Variants in ZC3H12D observed in about 807,000 individuals in gnomAD.
ZC3H12D encodes probable ribonuclease ZC3H12D.
A neutral mutation model predicts 24.2 loss-of-function variants in ZC3H12D; 11 were observed. The ratio of observed to expected loss-of-function variants is 0.46; its 90% CI spans 0.29 to 0.75. The LOEUF is 0.75. ZC3H12D is among the 30% of genes least tolerant of loss of function. ZC3H12D has a pLI of 0.11. For missense variants in ZC3H12D, 740 were observed against 767.7 expected, an observed-to-expected ratio of 0.96 and a Z score of 0.43; for synonymous variants, 333 against 341.8, an observed-to-expected ratio of 0.97 and a Z score of 0.28.
rs911423568 is a variant in ZC3H12D, at chr6:149,450,920, G to A, written c.1347C>T (p.Arg449=). Reference sequence around the variant, plus strand: ...CCCAGGCCGGCTCCGCCCAGACGGAGCGCCCAGGGAAGCGGTCGGAGCGGG... The same window carrying A: ...CCCAGGCCGGCTCCGCCCAGACGGAACGCCCAGGGAAGCGGTCGGAGCGGG... ...RPPRSDRFPG[R]SVWAEPAWGD... Residue 449 remains arginine, a synonymous_variant, in exon 6 of 6, where the codon CGC becomes CGT. Transcript: ENST00000409806. The A allele has an allele frequency of 1.3e-6, 2 of 1,540,026 alleles. No individual in the cohort carries two copies. The highest frequency in any genetic ancestry group is 1.4e-5 in the African/African-American group (1 of 73,012).
chr6:149,480,270 G>A (rs147226197), intron 1 of ZC3H12D, among the ~76,000 whole-genome samples: 3 of 152,334 alleles, frequency 2.0e-5, no homozygotes, highest in South Asian at 4.1e-4. Context: ...TTAGAAAAAT[G>A]TGTTTTCAAA....
Position 149,475,909 on chromosome 6 carries a change from C to T in ZC3H12D, c.-70-1296G>A, listed in dbSNP as rs543697084. On this transcript the variant is annotated intron_variant, in intron 1 of 5. Coordinates refer to ENST00000409806, the MANE Select transcript of ZC3H12D (RefSeq NM_207360.3). Reference sequence around the variant, plus strand: ...CTCTCTCTTTTCTACCCACAAAGACCGATATATTTCAAAAAAAATTTTTTT... The same window carrying T: ...CTCTCTCTTTTCTACCCACAAAGACTGATATATTTCAAAAAAAATTTTTTT... 5.9e-5 allele frequency among the ~76,000 whole-genome samples: 9 copies of T among 152,066 alleles called. No homozygotes were observed. The South Asian group carries it at 8.3e-4, about 14-fold the overall frequency.
At chr6:149,458,122 TCG>T (rs1434300184) in intron 3 of ZC3H12D, among the ~76,000 whole-genome samples, 2,158 of 109,578 alleles carry the variant, frequency 0.02, 104 homozygotes, top group African/African-American at 0.087. Flanking sequence ...TTTTTTTTTT[TCG>T]TTTCTTTTTT....
At chr6:149,474,143 G>T in intron 2 of ZC3H12D, 96 bp downstream of exon 2, 1 of 1,140,708 alleles carries the variant, frequency 8.8e-7, no homozygotes, top group East Asian at 2.8e-5. Flanking sequence ...TGGCCCCAAA[G>T]CTCTTTGGAC....
At chr6:149,473,669 G>A (rs1031821931) in intron 2 of ZC3H12D, among the ~76,000 whole-genome samples, 2 of 152,272 alleles carry the variant, frequency 1.3e-5, no homozygotes, top group African/African-American at 2.4e-5. Flanking sequence ...TAAGGTAGCC[G>A]CAACACCGCC....
In ZC3H12D at chr6:149,456,574, C is replaced by A; in HGVS notation, c.680+92G>T. 1 of 1,138,782 alleles carries A rather than the reference C, an allele frequency of 8.8e-7. No homozygotes were observed. The allele number at this position is 1,138,782 out of a possible 1,614,324, so 70.5% of individuals were successfully genotyped here. A position where few individuals can be genotyped will look rare whatever the true frequency, so the allele number is the denominator to read the frequency against. On this transcript the variant is annotated intron_variant, in intron 4 of 5. Coordinates refer to ENST00000409806, the MANE Select transcript of ZC3H12D (RefSeq NM_207360.3). This position sits in a 1 kb window ranked among gnomAD's most constrained non-coding sequence, Gnocchi z 4.3. ...GGCTGGGTGACCGGGTGACCCCAAG[C>A]TCCTCCACCTGGTAGCAGGCGTGGC...
At chr6:149,472,697 A>G (rs952453868) in intron 2 of ZC3H12D, among the ~76,000 whole-genome samples, 23 of 152,088 alleles carry the variant, frequency 1.5e-4, no homozygotes, top group Admixed American at 3.9e-4. Context: ...CTCTTTGGGG[A>G]CTGGGCATGT....
rs775074823 is a variant in ZC3H12D, at chr6:149,456,809, G to A, written c.537C>T (p.Asp179=). ...KVHGKRLVCY[D]DRYIVKVAYE... ...AGGCCACCTTCACGATGTAGCGGTC[G>A]TCGTAGCAGACCAGGCGCTTGCCGT... is the stretch of plus-strand genomic sequence containing the variant. The change falls in exon 4 of 6, where the codon GAC becomes GAT. Residue 179 remains aspartate, a synonymous_variant. Transcript: ENST00000409806. The surrounding 1 kb of genome is among the most constrained non-coding windows in gnomAD (Gnocchi z 4.3). 1 of 1,613,020 alleles carries A rather than the reference G, an allele frequency of 6.2e-7. No homozygotes were observed. Among genetic ancestry groups the A allele is most frequent in the African/African-American group, 1.3e-5 (1 of 74,928 alleles).
rs143417466 is a variant in ZC3H12D, at chr6:149,468,975, C to A, written c.305+5264G>T. Among the ~76,000 whole-genome samples the A allele has an allele frequency of 7.9e-4, 121 of 152,252 alleles. 1 individual carries two copies. In the East Asian group the frequency reaches 0.023, roughly 28 times the overall value. On this transcript the variant is annotated intron_variant, in intron 2 of 5. Transcript: ENST00000409806. ...GTAAAAATGTAAACAACAGCCAAAGCAAAAAGCCCTGTGCACTCCAAAATG... is the reference window on the plus strand; with the variant it reads ...GTAAAAATGTAAACAACAGCCAAAGAAAAAAGCCCTGTGCACTCCAAAATG...
rs886397835 is a variant in ZC3H12D at position 149,456,508 on chromosome 6, T to C, written c.680+158A>G. Among the ~76,000 whole-genome samples, 3 of 152,082 alleles carry C rather than the reference T, an allele frequency of 2.0e-5. No homozygotes were observed. Among genetic ancestry groups the C allele is most frequent in the African/African-American group, 7.2e-5 (3 of 41,444 alleles). On this transcript the variant is annotated intron_variant, in intron 4 of 5. Coordinates refer to ENST00000409806, the MANE Select transcript of ZC3H12D (RefSeq NM_207360.3). The surrounding 1 kb of genome is among the most constrained non-coding windows in gnomAD (Gnocchi z 4.3). ...CAAAGCAGCCCACCTATTGGGGACG[T>C]GCCCGCCGAGAATGCGGACCTGGGG...
At chr6:149,480,238 G>A (rs981622330) in intron 1 of ZC3H12D, among the ~76,000 whole-genome samples, 8 of 152,198 alleles carry the variant, frequency 5.3e-5, no homozygotes, top group Admixed American at 2.0e-4. Context: ...TGTAAACCAC[G>A]AAGATAAGCA....
rs1775989533 is a variant in ZC3H12D, at chr6:149,456,772, C to T, written c.574G>A (p.Gly192Ser). 2 of 1,613,752 alleles carry T rather than the reference C, an allele frequency of 1.2e-6. No homozygotes were observed. The highest frequency in any genetic ancestry group is 1.1e-5 in the South Asian group (1 of 91,088). Residue 192 changes from glycine (G) to serine (S), a missense_variant, in exon 4 of 6, where the codon GGC becomes AGC. Coordinates refer to ENST00000409806, the MANE Select transcript of ZC3H12D (RefSeq NM_207360.3). The surrounding 1 kb of genome is among the most constrained non-coding windows in gnomAD (Gnocchi z 4.3). The part of the protein sequence containing the change: ...YIVKVAYEQD[G>S]VIVSNDNYRD... ...TAGTTGTCGTTGGAGACGATGACGC[C>T]GTCCTGCTCGTAGGCCACCTTCACG...
At chr6:149,478,459 T>C (rs1017465952) in intron 1 of ZC3H12D, among the ~76,000 whole-genome samples, 2 of 152,220 alleles carry the variant, frequency 1.3e-5, no homozygotes, top group African/African-American at 4.8e-5. Context: ...TCAGTATAAT[T>C]GGTTTATTAT....
At chr6:149,463,010 C>T (rs1776099781) in intron 2 of ZC3H12D, among the ~76,000 whole-genome samples, 1 of 152,156 alleles carries the variant, frequency 6.6e-6, no homozygotes, top group African/African-American at 2.4e-5. Flanking sequence ...TAATAAACTC[C>T]CCTTCATATA....
At chr6:149,461,268 G>A (rs976968989) in intron 3 of ZC3H12D, among the ~76,000 whole-genome samples, 3 of 151,668 alleles carry the variant, frequency 2.0e-5, no homozygotes, top group Non-Finnish European at 4.4e-5. Context: ...TTGAACCCGG[G>A]AGGAGGAGGT....
rs535539400 is a variant in ZC3H12D, at chr6:149,474,164, G to A, written c.305+75C>T. 3.8e-6 allele frequency: 5 copies of A among 1,308,744 alleles called. No individual in the cohort carries two copies. In the East Asian group the frequency reaches 1.3e-4, roughly 34 times the overall value. 81.1% of individuals were successfully genotyped at this position (1,308,744 alleles called of 1,614,324 possible). A position where few individuals can be genotyped will look rare whatever the true frequency, so the allele number is the denominator to read the frequency against. On this transcript the variant is annotated intron_variant, in intron 2 of 5. Coordinates refer to ENST00000409806, the MANE Select transcript of ZC3H12D (RefSeq NM_207360.3). ...CAAAGCTCTTTGGACCAAACCACAA[G>A]GAAGAGGGACAGTTCTCAGGGCTCC...
In ZC3H12D at chr6:149,456,462, CTG is replaced by C. The variant is rs911551857; in HGVS notation, c.680+202_680+203del. Among the ~76,000 whole-genome samples, 2 of 152,048 alleles carry C rather than the reference CTG, an allele frequency of 1.3e-5. No homozygotes were observed. Among genetic ancestry groups the C allele is most frequent in the African/African-American group, 4.8e-5 (2 of 41,410 alleles). ...TCTCTGTGGTGTGTCAGATGTGGCC[CTG>C]GGAACAGCAAGGTCAGAGCAAAGCA... On this transcript the variant is annotated intron_variant, in intron 4 of 5. Transcript: ENST00000409806. This position sits in a 1 kb window ranked among gnomAD's most constrained non-coding sequence, Gnocchi z 4.3.
intron 1 of ZC3H12D, among the ~76,000 whole-genome samples, chr6:149,477,799 T>TA (rs1176408925): frequency 2.0e-5 from 3 of 152,202 alleles, no homozygotes; most frequent in South Asian, 2.1e-4. Context: ...GCTAAGTGAC[T>TA]ACTTCAGTGG....
rs771793361 is a variant in ZC3H12D at position 149,459,691 on chromosome 6, T to A, written c.445+2140A>T. 5.6e-6 allele frequency: 4 copies of A among 717,856 alleles called. No individual in the cohort carries two copies. In the South Asian group the frequency reaches 5.9e-5, roughly 11 times the overall value. The allele number at this position is 717,856 out of a possible 1,614,324, so 44.5% of individuals were successfully genotyped here. Reference sequence around the variant, plus strand: ...CCCATCCCTATCCCTATAAAGAAAGTGAAGCTACAACTAGGAAGGAAGAAG... The same window carrying A: ...CCCATCCCTATCCCTATAAAGAAAGAGAAGCTACAACTAGGAAGGAAGAAG... On this transcript the variant is annotated intron_variant, in intron 3 of 5. Transcript: ENST00000409806.
Sources: gnomAD v4.1 joint callset for allele counts (sites outside exome capture counted in the v4.1 genomes callset) on GRCh38, gnomAD v4.1.1 for gene constraint, Gnocchi (gnomAD v3.1) non-coding constraint, MANE v1.5 for transcripts, NCBI Gene and HGNC (gene_info 2026-07-23, HGNC 2026-07-21) for gene names.